ANKHD1: variants seen among roughly 807,000 people sequenced by gnomAD.
ANKHD1 encodes ankyrin repeat and KH domain-containing protein 1.
Under a neutral mutation model 230.5 loss-of-function variants are expected in ANKHD1, and 31 were observed. The ratio of observed to expected loss-of-function variants is 0.13; its 90% CI spans 0.10 to 0.18. ANKHD1 has a LOEUF of 0.18. Among genes scored for constraint, ANKHD1 ranks in the 10% least tolerant of loss-of-function variants. The pLI, the probability that ANKHD1 is intolerant of heterozygous loss-of-function variation, is 1.00. For missense variants in ANKHD1, 2,256 were observed against 3,071.3 expected, an observed-to-expected ratio of 0.73 and a Z score of 6.27; for synonymous variants, 1,074 against 1,117.6, an observed-to-expected ratio of 0.96 and a Z score of 0.78.
At chr5:140,430,451 A>G (rs1410221685) in intron 1 of ANKHD1, among the ~76,000 whole-genome samples, 6 of 152,196 alleles carry the variant, frequency 3.9e-5, no homozygotes, top group Non-Finnish European at 8.8e-5. Flanking sequence ...TTATAGCTAT[A>G]TGTAAGAAAG....
At chr5:140,480,923 T>A (rs1226015247) in intron 10 of ANKHD1, among the ~76,000 whole-genome samples, 2 of 152,030 alleles carry the variant, frequency 1.3e-5, no homozygotes, top group Non-Finnish European at 2.9e-5. Context: ...GACTAAAATA[T>A]GATTGCAGTT....
Position 140,511,686 on chromosome 5 carries a change from A to G in ANKHD1, c.4105-1142A>G, listed in dbSNP as rs528473939. Among the ~76,000 whole-genome samples, 13 of 152,332 alleles carry G rather than the reference A, an allele frequency of 8.5e-5. No individual in the cohort carries two copies. In the South Asian group the frequency reaches 2.3e-3, roughly 27 times the overall value. ...TATACCCAGTTGTTTAGCACAGTGC[A>G]ATTTACATATAGTGAAATGCATGAA... On this transcript the variant is annotated intron_variant, in intron 22 of 33. Coordinates refer to ENST00000360839, the MANE Select transcript of ANKHD1 (RefSeq NM_017747.3).
intron 7 of ANKHD1, among the ~76,000 whole-genome samples, chr5:140,452,078 G>T (rs538707062): frequency 1.1e-4 from 17 of 152,120 alleles, no homozygotes; most frequent in South Asian, 6.2e-4. Context: ...ATTATATCCC[G>T]CGCGTGGCTC....
rs1480965688 is a variant in ANKHD1, at chr5:140,482,672, A to G, written c.1870+5A>G. The stretch of plus-strand genomic sequence containing the variant: ...TGCAGTTTCTTATTAGCAAAGGTAA[A>G]GAAAGGGCAAGTGATCATTTCCAAG... On this transcript the variant is annotated splice_donor_5th_base_variant and intron_variant, in intron 11 of 33. Transcript: ENST00000360839. 6.2e-7 allele frequency: 1 copy of G among 1,610,934 alleles called. No homozygotes were observed. Among genetic ancestry groups the G allele is most frequent in the Non-Finnish European group, 8.5e-7 (1 of 1,179,080 alleles).
At chr5:140,439,401 T>C (rs574633036) in intron 3 of ANKHD1, among the ~76,000 whole-genome samples, 3 of 152,226 alleles carry the variant, frequency 2.0e-5, no homozygotes, top group Admixed American at 6.5e-5. Context: ...CCAGGCATGG[T>C]GGCTCATGTT....
intron 10 of ANKHD1, among the ~76,000 whole-genome samples, chr5:140,480,070 T>C (rs1364683364): frequency 2.0e-5 from 3 of 151,928 alleles, no homozygotes; most frequent in Admixed American, 6.6e-5. Flanking sequence ...AAAGAAAGAT[T>C]TAGTAGTCAG....
chr5:140,429,672 TTAA>T (rs1009909793), intron 1 of ANKHD1, among the ~76,000 whole-genome samples: 50 of 152,334 alleles, frequency 3.3e-4, no homozygotes, highest in East Asian at 7.7e-4. Context: ...TTTTTTACTA[TTAA>T]TAACATTTTC....
intron 32 of ANKHD1, among the ~76,000 whole-genome samples, chr5:140,538,517 C>T (rs985927100): frequency 6.6e-6 from 1 of 152,132 alleles, no homozygotes; most frequent in Non-Finnish European, 1.5e-5. Context: ...AGGCCTCTAC[C>T]CCTCTTAAAA....
At chr5:140,423,870 C>T (rs1772183716) in intron 1 of ANKHD1, among the ~76,000 whole-genome samples, 1 of 152,174 alleles carries the variant, frequency 6.6e-6, no homozygotes, top group Admixed American at 6.5e-5. Flanking sequence ...TAGGACTTCT[C>T]ACAGGAGCTG....
rs1352614543 is a variant in ANKHD1 at position 140,506,934 on chromosome 5, A to G, written c.3508A>G (p.Ile1170Val). 2 of 1,614,058 alleles carry G rather than the reference A, an allele frequency of 1.2e-6. No homozygotes were observed. The highest frequency in any genetic ancestry group is 2.7e-5 in the African/African-American group (2 of 74,948). Residue 1170 changes from isoleucine (I) to valine (V), a missense_variant, in exon 19 of 34, where the codon ATC becomes GTC. Transcript: ENST00000360839. This position sits in a 1 kb window ranked among gnomAD's most constrained non-coding sequence, Gnocchi z 4.7. ...SLAASGGYVN[I>V]IKILLNAGAE... is the part of the protein sequence containing the mutation. ...AGCTGCGTCTGGAGGATATGTTAAT[A>G]TCATTAAGATTCTGCTTAATGCTGG...
chr5:140,467,197 A>G (rs2126986065), intron 10 of ANKHD1, among the ~76,000 whole-genome samples: 1 of 152,088 alleles, frequency 6.6e-6, no homozygotes, highest in South Asian at 2.1e-4. Flanking sequence ...GATGAACCAT[A>G]CTCGTTCATT....
chr5:140,455,227 C>T (rs934015022), intron 7 of ANKHD1, among the ~76,000 whole-genome samples: 1 of 151,986 alleles, frequency 6.6e-6, no homozygotes, highest in African/African-American at 2.4e-5. Context: ...AATTAATAGC[C>T]TACCAACCAA....
At position 140,505,846 on chromosome 5, in the gene ANKHD1, G is replaced by A; in HGVS notation, c.3385G>A (p.Ala1129Thr). The A allele has an allele frequency of 6.3e-7, 1 of 1,598,054 alleles. No individual in the cohort carries two copies. Among genetic ancestry groups the A allele is most frequent in the Non-Finnish European group, 8.5e-7 (1 of 1,175,062 alleles). The change falls in exon 18 of 34, where the codon GCA becomes ACA. Residue 1129 changes from alanine to threonine, a missense_variant. Around this residue, in one of 13 missense-constraint regions of ANKHD1, gnomAD observed 63 missense variants for 125.5 expected, o/e 0.50. Transcript: ENST00000360839. ...ERTKDTPLSL[A>T]CSGGRQEVVD... is the part of the protein sequence containing the mutation. ...AACTAAGGATACTCCGCTTTCATTG[G>A]CATGTTCTGGTGGACGTCAGGAGGT... is the stretch of plus-strand genomic sequence containing the variant.
chr5:140,484,596 A>C (rs950304014), intron 11 of ANKHD1, among the ~76,000 whole-genome samples: 4 of 152,214 alleles, frequency 2.6e-5, no homozygotes, highest in Non-Finnish European at 5.9e-5. Flanking sequence ...TAGATCAAAA[A>C]TGTCTTTGAA....
chr5:140,448,882 C>T (rs945102258), intron 6 of ANKHD1, among the ~76,000 whole-genome samples: 2 of 152,110 alleles, frequency 1.3e-5, no homozygotes, highest in Non-Finnish European at 2.9e-5. Context: ...TGCCAAGATA[C>T]TTTACTTGGC....
At position 140,457,768 on chromosome 5, in the gene ANKHD1, G is replaced by A. The variant is rs367714794; in HGVS notation, c.1243-857G>A. ...TACCCAATGTAAATGAGGAGTTAACGGATGCAGCACACCAACATGGCACAC... is the reference window on the plus strand; with the variant it reads ...TACCCAATGTAAATGAGGAGTTAACAGATGCAGCACACCAACATGGCACAC... On this transcript the variant is annotated intron_variant, in intron 7 of 33. Coordinates refer to ENST00000360839, the MANE Select transcript of ANKHD1 (RefSeq NM_017747.3). Among the ~76,000 whole-genome samples the A allele has an allele frequency of 5.9e-5, 9 of 151,864 alleles. No homozygotes were observed. In the East Asian group the frequency reaches 1.2e-3, roughly 20 times the overall value.
chr5:140,425,826 T>G (rs1772362571), intron 1 of ANKHD1, among the ~76,000 whole-genome samples: 2 of 152,260 alleles, frequency 1.3e-5, no homozygotes, highest in African/African-American at 4.8e-5. Flanking sequence ...TGGTTGCTAC[T>G]GCTAGAATTT....
chr5:140,537,351 T>C (rs770935235), intron 30 of ANKHD1, 38 bp from the exon 31 acceptor site: 1 of 1,609,456 alleles, frequency 6.2e-7, no homozygotes, highest in Non-Finnish European at 8.5e-7. Flanking sequence ...ACTCTCCTAT[T>C]CCATCTGTTT....
intron 10 of ANKHD1, among the ~76,000 whole-genome samples, chr5:140,467,905 T>G (rs549896745): frequency 1.3e-5 from 2 of 152,212 alleles, no homozygotes; most frequent in South Asian, 4.1e-4. Flanking sequence ...TGCTGCTGTC[T>G]TCTAATATCT....
Sources: gnomAD v4.1 joint callset for allele counts (sites outside exome capture counted in the v4.1 genomes callset) on GRCh38, gnomAD v4.1.1 for gene constraint, gnomAD v4.1.1 regional missense constraint, Gnocchi (gnomAD v3.1) non-coding constraint, MANE v1.5 for transcripts, NCBI Gene and HGNC (gene_info 2026-07-23, HGNC 2026-07-21) for gene names.